Variants in RASAL2 observed in about 807,000 individuals in gnomAD.
The protein encoded by RASAL2 is ras GTPase-activating protein nGAP.
A neutral mutation model predicts 128.9 loss-of-function variants in RASAL2; 58 were observed. The ratio of observed to expected loss-of-function variants is 0.45; its 90% CI spans 0.36 to 0.56. RASAL2 has a LOEUF of 0.56. Ranked by LOEUF, RASAL2 falls within the 20% of genes least tolerant of loss-of-function variation. The pLI is 0.00. For synonymous variants in RASAL2, 561 were observed against 580.8 expected, an observed-to-expected ratio of 0.97 and a Z score of 0.49; for missense variants, 1,360 against 1,601.6, an observed-to-expected ratio of 0.85 and a Z score of 2.57.
chr1:178,234,645 A>T (rs1337412508), intron 1 of RASAL2, among the ~76,000 whole-genome samples: 1 of 152,054 alleles, frequency 6.6e-6, no homozygotes, highest in Non-Finnish European at 1.5e-5. Flanking sequence ...TTTGGTTATG[A>T]CTTGGGGCCT....
At chr1:178,216,734 GGTCCAAGT>G (rs1663434216) in intron 1 of RASAL2, among the ~76,000 whole-genome samples, 1 of 152,086 alleles carries the variant, frequency 6.6e-6, no homozygotes, top group Admixed American at 6.5e-5. Flanking sequence ...CTGCCTCCTG[GGTCCAAGT>G]GATTCTCCTG....
intron 3 of RASAL2, among the ~76,000 whole-genome samples, chr1:178,344,774 T>C (rs977519982): frequency 2.0e-5 from 3 of 152,218 alleles, no homozygotes; most frequent in Non-Finnish European, 4.4e-5. Context: ...TAACTGATTC[T>C]TATATGCAGA....
At chr1:178,256,743 G>T (rs921187317) in intron 1 of RASAL2, among the ~76,000 whole-genome samples, 3 of 152,028 alleles carry the variant, frequency 2.0e-5, no homozygotes, top group Non-Finnish European at 4.4e-5. Context: ...GCATGATCTC[G>T]GCTCATTGCA....
At chr1:178,204,927 A>G (rs549032518) in intron 1 of RASAL2, among the ~76,000 whole-genome samples, 12 of 152,232 alleles carry the variant, frequency 7.9e-5, no homozygotes, top group South Asian at 2.1e-4. Flanking sequence ...AGGATCTACC[A>G]TATATCCATC....
In RASAL2 at chr1:178,212,794, G is replaced by A. The variant is rs1037798975; in HGVS notation, c.203-70770G>A. On this transcript the variant is annotated intron_variant, in intron 1 of 17. Transcript: ENST00000367649. ...GCATGAGCCATGAGCCGCCGTGCCC[G>A]GCCACTTCTATCTAACTCTTTAAAT... Among the ~76,000 whole-genome samples the A allele has an allele frequency of 5.3e-5, 8 of 152,158 alleles. No homozygotes were observed. In the East Asian group the frequency reaches 1.2e-3, roughly 22 times the overall value.
At position 178,458,549 on chromosome 1, in the gene RASAL2, G is replaced by T; in HGVS notation, c.3252+5G>T. ...CAGAGACAACAGACACAGCAGGTAG[G>T]TGTGAGTGCTGAAGGGGCCTGGCTT... On this transcript the variant is annotated splice_donor_5th_base_variant and intron_variant, in intron 14 of 17. Coordinates refer to ENST00000367649, the MANE Select transcript of RASAL2 (RefSeq NM_170692.4). 1 of 1,597,768 alleles carries T rather than the reference G, an allele frequency of 6.3e-7. No homozygotes were observed.
chr1:178,421,973 A>G (rs1675172232), intron 5 of RASAL2, among the ~76,000 whole-genome samples: 1 of 152,026 alleles, frequency 6.6e-6, no homozygotes, highest in Non-Finnish European at 1.5e-5. Context: ...AATTCAAAGC[A>G]TTTTATTAAT....
chr1:178,457,982 C>T lies in RASAL2; in HGVS notation c.2690C>T (p.Pro897Leu), dbSNP rs2102910923. The change falls in exon 14 of 18, where the codon CCC becomes CTC. Residue 897 changes from proline to leucine, a missense_variant. Pro to Leu is a moderately conservative substitution (Grantham distance 98, BLOSUM62 -3). This residue lies in a region of RASAL2 where 741 missense variants were observed against 868.6 expected (regional missense o/e 0.85). Transcript: ENST00000367649. ...CAGCTGCGGGAAACCCAGAGCACTC[C>T]CCAAAGTGCACCCCAAGTGAGAAGG... ...IKQLRETQST[P>L]QSAPQVRRPL... is the part of the protein sequence containing the mutation. 6.2e-7 allele frequency: 1 copy of T among 1,614,096 alleles called. No homozygotes were observed. The highest frequency in any genetic ancestry group is 1.1e-5 in the South Asian group (1 of 91,082).
In RASAL2 at chr1:178,448,935, T is replaced by C. The variant is rs572301810; in HGVS notation, c.1628-2636T>C. Reference sequence around the variant, plus strand: ...AACCCCTCAGAAATCTCTGTAATAATATTTATAATCCAAGAGCAAGGGCCA... The same window carrying C: ...AACCCCTCAGAAATCTCTGTAATAACATTTATAATCCAAGAGCAAGGGCCA... On this transcript the variant is annotated intron_variant, in intron 9 of 17. Coordinates refer to ENST00000367649, the MANE Select transcript of RASAL2 (RefSeq NM_170692.4). 3.9e-5 allele frequency among the ~76,000 whole-genome samples: 6 copies of C among 152,324 alleles called. No individual in the cohort carries two copies. The East Asian group carries it at 1.2e-3, about 29-fold the overall frequency.
In RASAL2 at chr1:178,184,695, T is replaced by TA. The variant is rs1358581989; in HGVS notation, c.202+90002dup. Among the ~76,000 whole-genome samples the TA allele has an allele frequency of 6.6e-5, 10 of 152,222 alleles. No homozygotes were observed. In the East Asian group the frequency reaches 1.5e-3, roughly 23 times the overall value. On this transcript the variant is annotated intron_variant, in intron 1 of 17. Transcript: ENST00000367649. The stretch of plus-strand genomic sequence containing the variant: ...CATTGCTTTTTCTGTTCTTTGTAGA[T>TA]ACTATGCTCTCTTGATTACTGTAGC...
At chr1:178,159,664 C>T (rs1661204666) in intron 1 of RASAL2, among the ~76,000 whole-genome samples, 1 of 152,106 alleles carries the variant, frequency 6.6e-6, no homozygotes, top group Non-Finnish European at 1.5e-5. Flanking sequence ...TGCGGTGACT[C>T]ATGCCTGTAA....
At chr1:178,179,270 A>G (rs1004949967) in intron 1 of RASAL2, among the ~76,000 whole-genome samples, 2 of 152,170 alleles carry the variant, frequency 1.3e-5, no homozygotes, top group East Asian at 1.9e-4. Context: ...GATGAGCACA[A>G]TTGGTTCTCC....
chr1:178,185,554 G>A (rs1662263303), intron 1 of RASAL2, among the ~76,000 whole-genome samples: 1 of 151,446 alleles, frequency 6.6e-6, no homozygotes. Flanking sequence ...TGTTAACATA[G>A]ATGAACTCAT....
At chr1:178,372,831 T>C (rs556760308) in intron 3 of RASAL2, among the ~76,000 whole-genome samples, 1 of 152,280 alleles carries the variant, frequency 6.6e-6, no homozygotes, top group South Asian at 2.1e-4. Flanking sequence ...ATTGCTTTAA[T>C]TTTGCATTTT....
At chr1:178,181,559 G>A (rs376704497) in intron 1 of RASAL2, among the ~76,000 whole-genome samples, 7 of 151,942 alleles carry the variant, frequency 4.6e-5, no homozygotes, top group Admixed American at 6.6e-5. Flanking sequence ...GGGTTTCACC[G>A]TCGTTGATTT....
Position 178,378,225 on chromosome 1 carries a change from G to A in RASAL2, c.458-11875G>A, listed in dbSNP as rs190131258. Among the ~76,000 whole-genome samples, 793 of 151,824 alleles carry A rather than the reference G, an allele frequency of 5.2e-3. 7 individuals are homozygous for A. The highest frequency in any genetic ancestry group is 7.9e-3 in the Non-Finnish European group (533 of 67,878). The stretch of plus-strand genomic sequence containing the variant: ...AAAGGCTTGGAAAAAGAAAGCTGGT[G>A]TAGCCAGTGAAATAGAATAAGACTA... On this transcript the variant is annotated intron_variant, in intron 3 of 17. Transcript: ENST00000367649.
At chr1:178,358,900 T>C (rs1015322539) in intron 3 of RASAL2, among the ~76,000 whole-genome samples, 1 of 152,206 alleles carries the variant, frequency 6.6e-6, no homozygotes, top group African/African-American at 2.4e-5. Flanking sequence ...AATAAGAGAC[T>C]GAACCTGAAT....
rs779320714 is a variant in RASAL2 at position 178,452,574 on chromosome 1, A to G, written c.1931A>G (p.Gln644Arg). 1 of 1,614,098 alleles carries G rather than the reference A, an allele frequency of 6.2e-7. No individual in the cohort carries two copies. Among genetic ancestry groups the G allele is most frequent in the East Asian group, 2.2e-5 (1 of 44,880 alleles). Residue 644 changes from glutamine to arginine, a missense_variant, in exon 11 of 18, where the codon CAG becomes CGG. This residue lies in a region of RASAL2 where 741 missense variants were observed against 868.6 expected (regional missense o/e 0.85). Transcript: ENST00000367649. ...IMSPSLFNLMQEYPDDRTSRT... is the reference protein window; with the variant it reads ...IMSPSLFNLMREYPDDRTSRT... ...TCTCCCAGTCTTTTCAACCTTATGC[A>G]GGAGTATCCTGATGACCGCACATCT...
chr1:178,310,042 G>A (rs1481516000), intron 3 of RASAL2, among the ~76,000 whole-genome samples: 1 of 152,102 alleles, frequency 6.6e-6, no homozygotes, highest in African/African-American at 2.4e-5. Flanking sequence ...TTCATTTAGT[G>A]TTTATTACAG....
Sources: allele counts gnomAD v4.1 joint callset (sites outside exome capture counted in the v4.1 genomes callset), GRCh38; gene constraint gnomAD v4.1.1; regional missense constraint gnomAD v4.1.1; transcripts MANE v1.5; gene names NCBI Gene and HGNC (gene_info 2026-07-23, HGNC 2026-07-21).